The following SENP7 variants were observed in gnomAD, a reference collection of about 807,000 sequenced individuals.
The protein encoded by SENP7 is sentrin-specific protease 7.
Under a neutral mutation model 141.2 loss-of-function variants are expected in SENP7, and 64 were observed. The observed-to-expected ratio is 0.45, with a 90% CI of 0.37 to 0.56. The LOEUF (loss-of-function observed/expected upper bound fraction) is 0.56, where lower values mean the gene tolerates loss of function less well. Ranked by LOEUF, SENP7 falls within the 20% of genes least tolerant of loss-of-function variation. The pLI is 0.00. For synonymous variants in SENP7, 382 were observed against 426.4 expected (o/e 0.90, Z 1.28); for missense variants, 1,025 against 1,212.2 (o/e 0.85, Z 2.29).
At chr3:101,443,420 T>C (rs1228321616) in intron 4 of SENP7, among the ~76,000 whole-genome samples, 1 of 149,462 alleles carries the variant, frequency 6.7e-6, no homozygotes, top group Non-Finnish European at 1.5e-5. Context: ...TTAGGATTGA[T>C]TTGGCGATGC....
intron 3 of SENP7, among the ~76,000 whole-genome samples, chr3:101,490,568 T>A (rs2064925038): frequency 6.6e-6 from 1 of 152,158 alleles, no homozygotes; most frequent in Non-Finnish European, 1.5e-5. Context: ...TATATTAAAT[T>A]CTTTTGATTT....
chr3:101,337,683 C>T lies in SENP7; in HGVS notation c.2358-52G>A, dbSNP rs552349089. On this transcript the variant is annotated intron_variant, in intron 16 of 23. Coordinates refer to ENST00000394095, the MANE Select transcript of SENP7 (RefSeq NM_020654.5). ...AAATTATTTTTAGATTTTACTTGGT[C>T]GTCCCCCAGTTGTCTTATGTGTTCT... 31 of 1,412,768 alleles carry T rather than the reference C, an allele frequency of 2.2e-5. No homozygotes were observed. The African/African-American group carries it at 2.4e-4, about 11-fold the overall frequency. The allele number at this position is 1,412,768 out of a possible 1,614,324, so 87.5% of individuals were successfully genotyped here.
rs1266255366 is a variant in SENP7 at position 101,325,502 on chromosome 3, C to A, written c.*441G>T. The A allele has an allele frequency of 6.6e-6, 1 of 152,472 alleles. No individual in the cohort carries two copies. The allele number at this position is 152,472 out of a possible 1,614,324, so 9.4% of individuals were successfully genotyped here. A position where few individuals can be genotyped will look rare whatever the true frequency, so the allele number is the denominator to read the frequency against. ...ACAGTATTCATACTGCATGCTTGAG[C>A]TGCAAAGAATAGAATTACAATATGA... On this transcript the variant is annotated 3_prime_UTR_variant, in exon 24 of 24. Transcript: ENST00000394095.
intron 7 of SENP7, among the ~76,000 whole-genome samples, chr3:101,368,214 C>T (rs922461129): frequency 2.0e-5 from 3 of 151,870 alleles, no homozygotes; most frequent in African/African-American, 7.3e-5. Flanking sequence ...AGTAAATGTT[C>T]ATTATACAAT....
chr3:101,357,965 T>TCAC (rs1576073147), intron 11 of SENP7: 2 of 656,654 alleles, frequency 3.0e-6, no homozygotes, highest in East Asian at 9.7e-5. Context: ...TAACCACCCC[T>TCAC]CACCCCTTTT....
rs75495853 is a variant in SENP7, at chr3:101,490,474, G to T, written c.186+3399C>A. On this transcript the variant is annotated intron_variant, in intron 3 of 23. Transcript: ENST00000394095. ...AATGGTTGCCAGAATCATGGTGGAG[G>T]TACAAGCAACAGAAGAGGAAAAGAC... is the stretch of plus-strand genomic sequence containing the variant. Among the ~76,000 whole-genome samples the T allele has an allele frequency of 4.8e-3, 736 of 151,990 alleles. 2 individuals carry two copies. The highest frequency in any genetic ancestry group is 0.017 in the African/African-American group (693 of 41,452).
At chr3:101,368,317 A>G (rs1052509451) in intron 7 of SENP7, among the ~76,000 whole-genome samples, 2 of 151,868 alleles carry the variant, frequency 1.3e-5, no homozygotes, top group African/African-American at 2.4e-5. Context: ...TTTGCTATAA[A>G]TGCATTTGGC....
intron 11 of SENP7, among the ~76,000 whole-genome samples, chr3:101,355,006 T>C (rs2059702029): frequency 2.0e-5 from 3 of 152,158 alleles, no homozygotes; most frequent in African/African-American, 7.2e-5. Context: ...ATATGCTTCT[T>C]GGCCACATGT....
intron 11 of SENP7, among the ~76,000 whole-genome samples, chr3:101,352,115 C>T (rs916080344): frequency 6.6e-6 from 1 of 151,956 alleles, no homozygotes; most frequent in Non-Finnish European, 1.5e-5. Context: ...ACCAAAATGC[C>T]AACATACTAT....
chr3:101,374,071 G>C (rs1416659744), intron 6 of SENP7, among the ~76,000 whole-genome samples: 2 of 152,120 alleles, frequency 1.3e-5, no homozygotes, highest in Non-Finnish European at 1.5e-5. Context: ...TTATAAAAAT[G>C]TATTAAAATA....
chr3:101,421,803 A>C (rs1219473270), intron 4 of SENP7, among the ~76,000 whole-genome samples: 2 of 152,256 alleles, frequency 1.3e-5, no homozygotes, highest in East Asian at 3.8e-4. Context: ...AAGTGTCATA[A>C]GATTTCTCTG....
At chr3:101,404,748 T>A (rs2061248993) in intron 5 of SENP7, among the ~76,000 whole-genome samples, 1 of 152,140 alleles carries the variant, frequency 6.6e-6, no homozygotes, top group Admixed American at 6.5e-5. Context: ...AACAATCCCA[T>A]TACAAAGTGG....
At chr3:101,380,458 CAAA>C (rs1559745275) in intron 6 of SENP7, among the ~76,000 whole-genome samples, 1 of 136,150 alleles carries the variant, frequency 7.3e-6, no homozygotes, top group Non-Finnish European at 1.6e-5. Flanking sequence ...CACACACACA[CAAA>C]ACAAAACATA....
chr3:101,397,575 G>A (rs556640969), intron 6 of SENP7, among the ~76,000 whole-genome samples: 80 of 152,194 alleles, frequency 5.3e-4, no homozygotes, highest in Non-Finnish European at 9.3e-4. Context: ...TAAAATTGTC[G>A]TTACTGATTC....
At chr3:101,423,795 G>A (rs916471009) in intron 4 of SENP7, among the ~76,000 whole-genome samples, 1 of 152,108 alleles carries the variant, frequency 6.6e-6, no homozygotes, top group African/African-American at 2.4e-5. Flanking sequence ...ACTCTGGGGG[G>A]CAATGGGTGA....
chr3:101,438,011 T>C (rs1011734970), intron 4 of SENP7, among the ~76,000 whole-genome samples: 14 of 150,852 alleles, frequency 9.3e-5, no homozygotes, highest in African/African-American at 3.4e-4. Context: ...GAACATAAAA[T>C]GAGGTACGGC....
At chr3:101,487,457 TAATTA>T (rs2064778466) in intron 3 of SENP7, among the ~76,000 whole-genome samples, 2 of 152,178 alleles carry the variant, frequency 1.3e-5, no homozygotes, top group African/African-American at 4.8e-5. Flanking sequence ...AGAAGCTCTT[TAATTA>T]AATTAAGTTT....
At chr3:101,357,967 A>T in intron 11 of SENP7, 2 of 653,432 alleles carry the variant, frequency 3.1e-6, no homozygotes, top group Non-Finnish European at 5.0e-6. Flanking sequence ...ACCACCCCTC[A>T]CCCCTTTTTT....
chr3:101,476,849 C>G (rs1437532764), intron 3 of SENP7, among the ~76,000 whole-genome samples: 3 of 152,194 alleles, frequency 2.0e-5, no homozygotes, highest in Middle Eastern at 6.8e-3. Flanking sequence ...CTCTAATGAC[C>G]AGTGATGATG....
Sources: allele counts gnomAD v4.1 joint callset (sites outside exome capture counted in the v4.1 genomes callset), GRCh38; gene constraint gnomAD v4.1.1; transcripts MANE v1.5; gene names NCBI Gene and HGNC (gene_info 2026-07-23, HGNC 2026-07-21).